ITGA9: variants seen among roughly 807,000 people sequenced by gnomAD.
ITGA9 encodes the protein integrin alpha-9.
In ITGA9, 56 loss-of-function variants were observed where a neutral mutation model predicts 127.8. That is an observed-to-expected ratio of 0.44 (90% CI 0.35 to 0.55). ITGA9 has a LOEUF of 0.55. Ranked by LOEUF, ITGA9 falls within the 20% of genes least tolerant of loss-of-function variation. The pLI, the probability that ITGA9 is intolerant of heterozygous loss-of-function variation, is 0.00. For missense variants in ITGA9, 1,196 were observed against 1,347.1 expected (o/e 0.89, Z 1.76); for synonymous variants, 508 against 514.5 (o/e 0.99, Z 0.17).
At chr3:37,714,458 G>A (rs149592039) in intron 18 of ITGA9, among the ~76,000 whole-genome samples, 4 of 152,256 alleles carry the variant, frequency 2.6e-5, no homozygotes, top group South Asian at 2.1e-4. Context: ...CAGGGGCAAC[G>A]GGCCCTGCAG....
At chr3:37,788,088 A>C (rs1368647197) in intron 26 of ITGA9, among the ~76,000 whole-genome samples, 3 of 152,232 alleles carry the variant, frequency 2.0e-5, no homozygotes, top group Non-Finnish European at 4.4e-5. Flanking sequence ...AAAGACATGC[A>C]AACAAATTTT....
intron 18 of ITGA9, among the ~76,000 whole-genome samples, chr3:37,723,315 C>T (rs754610938): frequency 4.1e-5 from 6 of 144,582 alleles, no homozygotes; most frequent in Non-Finnish European, 7.7e-5. Context: ...TTGATGATAT[C>T]CAGATTATCC....
intron 17 of ITGA9, among the ~76,000 whole-genome samples, chr3:37,659,915 A>G (rs940700676): frequency 6.6e-6 from 1 of 152,018 alleles, no homozygotes. Context: ...ATGATCTTTC[A>G]TTCATCAAAG....
intron 15 of ITGA9, among the ~76,000 whole-genome samples, chr3:37,545,491 CT>C (rs1352142611): frequency 6.6e-6 from 1 of 152,198 alleles, no homozygotes; most frequent in African/African-American, 2.4e-5. Flanking sequence ...TTGTACCAGA[CT>C]TTGTTCCATT....
At chr3:37,522,092 G>T (rs1159846763) in intron 11 of ITGA9, among the ~76,000 whole-genome samples, 1 of 152,064 alleles carries the variant, frequency 6.6e-6, no homozygotes, top group Non-Finnish European at 1.5e-5. Flanking sequence ...TTCTCTGCAG[G>T]ATGACTCGGG....
At chr3:37,640,976 G>A (rs1291648871) in intron 16 of ITGA9, among the ~76,000 whole-genome samples, 1 of 152,126 alleles carries the variant, frequency 6.6e-6, no homozygotes, top group African/African-American at 2.4e-5. Flanking sequence ...AGAGGATGAG[G>A]CCGTCATGGG....
chr3:37,734,770 G>A (rs1000903506), intron 19 of ITGA9, among the ~76,000 whole-genome samples: 3 of 152,192 alleles, frequency 2.0e-5, no homozygotes, highest in African/African-American at 7.2e-5. Flanking sequence ...GGGATTACAG[G>A]CGTGAGCCAC....
At chr3:37,481,171 G>A (rs1156717507) in intron 3 of ITGA9, among the ~76,000 whole-genome samples, 1 of 152,094 alleles carries the variant, frequency 6.6e-6, no homozygotes, top group Non-Finnish European at 1.5e-5. Context: ...CCGACCTCTG[G>A]TGGAAACTAT....
chr3:37,737,929 G>C (rs540744433), intron 20 of ITGA9, among the ~76,000 whole-genome samples: 10 of 152,202 alleles, frequency 6.6e-5, no homozygotes, highest in African/African-American at 2.4e-4. Context: ...CAGAAATCAT[G>C]CCTCTTGATT....
chr3:37,499,742 G>A (rs1034030005), intron 5 of ITGA9, among the ~76,000 whole-genome samples: 3 of 152,192 alleles, frequency 2.0e-5, no homozygotes, highest in Admixed American at 6.5e-5. Flanking sequence ...AGGGAGAGGG[G>A]TGTGAGCACT....
At chr3:37,600,924 A>G (rs1188318496) in intron 15 of ITGA9, among the ~76,000 whole-genome samples, 2 of 152,214 alleles carry the variant, frequency 1.3e-5, no homozygotes, top group African/African-American at 4.8e-5. Context: ...TTTAACCTGC[A>G]ATTACTGGGT....
chr3:37,755,144 T>C (rs943780906), intron 23 of ITGA9, among the ~76,000 whole-genome samples: 2 of 152,226 alleles, frequency 1.3e-5, no homozygotes, highest in African/African-American at 2.4e-5. Context: ...TTAATCCTTA[T>C]GGCACCTTCA....
At chr3:37,563,393 G>A (rs1431711365) in intron 15 of ITGA9, among the ~76,000 whole-genome samples, 2 of 152,190 alleles carry the variant, frequency 1.3e-5, no homozygotes, top group Admixed American at 6.5e-5. Flanking sequence ...TTGTCCTAAT[G>A]AAATCTTGGA....
rs148779777 is a variant in ITGA9 at position 37,815,337 on chromosome 3, G to A, written c.3010-3554G>A. Among the ~76,000 whole-genome samples, 855 of 152,298 alleles carry A rather than the reference G, an allele frequency of 5.6e-3. 7 individuals carry two copies. Among genetic ancestry groups the A allele is most frequent in the Middle Eastern group, 0.017 (5 of 294 alleles). ...GAGAAGTCTGGTTCAGGCCGGGCGC[G>A]GTGGCTCACGCCTGTAATCCCAGCG... On this transcript the variant is annotated intron_variant, in intron 27 of 27. Transcript: ENST00000264741.
rs114042391 is a variant in ITGA9, at chr3:37,541,676, G to A, written c.1529-749G>A. Among the ~76,000 whole-genome samples, 1,472 of 152,252 alleles carry A rather than the reference G, an allele frequency of 9.7e-3. 12 individuals carry two copies. Among genetic ancestry groups the A allele is most frequent in the African/African-American group, 0.016 (684 of 41,528 alleles). Reference sequence around the variant, plus strand: ...AGAGGACCTCAGTACAGGCCCTACCGTGGTCATAGTTTTGTTGAAAGGATA... The same window carrying A: ...AGAGGACCTCAGTACAGGCCCTACCATGGTCATAGTTTTGTTGAAAGGATA... On this transcript the variant is annotated intron_variant, in intron 14 of 27. Coordinates refer to ENST00000264741, the MANE Select transcript of ITGA9 (RefSeq NM_002207.3).
chr3:37,511,917 G>A, intron 8 of ITGA9, among the ~76,000 whole-genome samples: 1 of 150,846 alleles, frequency 6.6e-6, no homozygotes, highest in Non-Finnish European at 1.5e-5. Flanking sequence ...TCAACCCAGG[G>A]GCCTTTTATT....
At chr3:37,609,325 G>A (rs1028687599) in intron 15 of ITGA9, among the ~76,000 whole-genome samples, 6 of 152,114 alleles carry the variant, frequency 3.9e-5, no homozygotes, top group African/African-American at 7.2e-5. Flanking sequence ...TTGCAAACAG[G>A]TCTTGGCTTA....
At chr3:37,603,092 T>G (rs915191609) in intron 15 of ITGA9, among the ~76,000 whole-genome samples, 5 of 152,188 alleles carry the variant, frequency 3.3e-5, no homozygotes, top group Non-Finnish European at 2.9e-5. Context: ...TTCAATTCCT[T>G]TATTACTTCA....
At chr3:37,537,724 A>G (rs903081573) in intron 14 of ITGA9, among the ~76,000 whole-genome samples, 10 of 152,312 alleles carry the variant, frequency 6.6e-5, no homozygotes, top group Admixed American at 5.9e-4. Flanking sequence ...TGGCTTTTCT[A>G]GATGAGCTCC....
Sources: allele counts gnomAD v4.1 joint callset (sites outside exome capture counted in the v4.1 genomes callset), GRCh38; gene constraint gnomAD v4.1.1; transcripts MANE v1.5; gene names NCBI Gene and HGNC (gene_info 2026-07-23, HGNC 2026-07-21).